The following HPS4 variants were observed in gnomAD, a reference collection of about 807,000 sequenced individuals.
HPS4 encodes the protein BLOC-3 complex member HPS4.
HPS4 carries 44 observed loss-of-function variants against 70.3 expected under a neutral mutation model. That is an observed-to-expected ratio of 0.63 (90% CI 0.49 to 0.80). HPS4 has a LOEUF of 0.80. Ranked by LOEUF, HPS4 falls within the 30% of genes least tolerant of loss-of-function variation. The pLI is 0.00. For missense variants in HPS4, 873 were observed against 884.4 expected (o/e 0.99, Z 0.16); for synonymous variants, 377 against 355.9 (o/e 1.06, Z -0.67).
chr22:26,474,931 T>G (rs1283813083), intron 4 of HPS4, among the ~76,000 whole-genome samples: 2 of 151,986 alleles, frequency 1.3e-5, no homozygotes, highest in South Asian at 2.1e-4. Flanking sequence ...TCAATCTCAA[T>G]GCTGATGAGC....
intron 2 of HPS4, among the ~76,000 whole-genome samples, chr22:26,480,817 C>T (rs1023490483): frequency 1.3e-5 from 2 of 152,004 alleles, no homozygotes; most frequent in African/African-American, 4.8e-5. Flanking sequence ...ACTTGGGATG[C>T]TGAGGTAGGA....
chr22:26,472,399 A>C lies in HPS4; in HGVS notation c.404T>G (p.Leu135Arg). The C allele has an allele frequency of 1.2e-6, 2 of 1,609,846 alleles. No homozygotes were observed. Among genetic ancestry groups the C allele is most frequent in the Non-Finnish European group, 1.7e-6 (2 of 1,176,054 alleles). ...LAYENCSQEE[L>R]STEWDTFIEQ... ...GATGAAGGTGTCCCACTCCGTGCTC[A>C]GTTCTTCCTGAGAACAGTTCTAAAA... Residue 135 changes from leucine (L) to arginine (R), a missense_variant, in exon 6 of 14, where the codon CTG becomes CGG. Physicochemically the swap from Leu to Arg is moderately radical, Grantham distance 102. Coordinates refer to ENST00000398145, the MANE Select transcript of HPS4 (RefSeq NM_022081.6).
At chr22:26,465,385 T>C in intron 10 of HPS4, 70 bp downstream of exon 10, 1 of 1,133,694 alleles carries the variant, frequency 8.8e-7, no homozygotes, top group Admixed American at 1.7e-5. Context: ...CAGAGGTTTG[T>C]TTTTTAACCA....
At chr22:26,460,165 T>G (rs575646792) in intron 11 of HPS4, among the ~76,000 whole-genome samples, 11 of 152,360 alleles carry the variant, frequency 7.2e-5, no homozygotes, top group African/African-American at 2.6e-4. Flanking sequence ...TAGTAGGTGC[T>G]CAATAAATGA....
In HPS4 at chr22:26,478,695, T is replaced by C. The variant is rs113806923; in HGVS notation, c.132+570A>G. Among the ~76,000 whole-genome samples the C allele has an allele frequency of 8.4e-3, 1,281 of 152,272 alleles. 8 individuals are homozygous for C. Among genetic ancestry groups the C allele is most frequent in the Middle Eastern group, 0.017 (5 of 294 alleles). On this transcript the variant is annotated intron_variant, in intron 3 of 13. Transcript: ENST00000398145. ...TTTGAATACAAACTTATTTATTTAT[T>C]TTTTTTGAGATGGAGTTTCACTCTT... is the stretch of plus-strand genomic sequence containing the variant.
chr22:26,450,899 C>T lies in HPS4; in HGVS notation c.*2334G>A, dbSNP rs2085134306. 6.6e-6 allele frequency among the ~76,000 whole-genome samples: 1 copy of T among 152,172 alleles called. No individual in the cohort carries two copies. Among genetic ancestry groups the T allele is most frequent in the Non-Finnish European group, 1.5e-5 (1 of 68,030 alleles). The stretch of plus-strand genomic sequence containing the variant: ...TAAACCTCTTTCCTTTATAAAGTAC[C>T]CAGTCTCGGGTATGTCTTTATTAGA... On this transcript the variant is annotated 3_prime_UTR_variant, in exon 14 of 14. Transcript: ENST00000398145.
intron 13 of HPS4, 66 bp from the exon 14 acceptor site, chr22:26,453,470 C>CT: frequency 6.4e-7 from 1 of 1,564,422 alleles, no homozygotes; most frequent in Non-Finnish European, 8.8e-7. Context: ...CACACAGAGA[C>CT]CTCAGTAAGG....
chr22:26,445,459 A>T (rs2084923351), intron 3 of HPS4, among the ~76,000 whole-genome samples: 1 of 152,208 alleles, frequency 6.6e-6, no homozygotes, highest in African/African-American at 2.4e-5. Flanking sequence ...AAATGTCCCA[A>T]AGCAATGGGA....
intron 9 of HPS4, chr22:26,465,905 T>C (rs997088862): frequency 4.5e-6 from 3 of 662,870 alleles, no homozygotes; most frequent in Admixed American, 2.5e-5. Flanking sequence ...CTCCACATCC[T>C]GCAAAAGGTC....
Position 26,470,722 on chromosome 22 carries a change from C to G in HPS4, c.593G>C (p.Gly198Ala), listed in dbSNP as rs199965734. The G allele has an allele frequency of 6.2e-7, 1 of 1,613,764 alleles. No individual in the cohort carries two copies. Among genetic ancestry groups the G allele is most frequent in the South Asian group, 1.1e-5 (1 of 91,042 alleles). Reference protein sequence around the residue: ...HILAGCILYKGLIVSTQLPPS... With the variant: ...HILAGCILYKALIVSTQLPPS... The stretch of plus-strand genomic sequence containing the variant: ...AAAGGGGTCTGGAGTTACTCACAGT[C>G]CTTTATAGAGGATGCAGCCAGCGAG... Residue 198 changes from glycine to alanine, a missense_variant, in exon 7 of 14, where the codon GGA (glycine) becomes GCA (alanine). By Grantham distance (60) the Gly-to-Ala change is moderately conservative (BLOSUM62 0). Coordinates refer to ENST00000398145, the MANE Select transcript of HPS4 (RefSeq NM_022081.6).
At chr22:26,468,675 C>T in intron 7 of HPS4, 52 bp from the exon 8 acceptor site, 1 of 1,545,282 alleles carries the variant, frequency 6.5e-7, no homozygotes, top group East Asian at 2.2e-5. Flanking sequence ...TACACCAAAA[C>T]ACTCCAAATT....
intron 10 of HPS4, 25 bp from the exon 11 acceptor site, chr22:26,464,851 A>G: frequency 1.3e-6 from 2 of 1,576,950 alleles, no homozygotes; most frequent in Non-Finnish European, 1.7e-6. Flanking sequence ...AGATGTAAGG[A>G]AGGGGCACGT....
In HPS4 at chr22:26,479,277, A is replaced by G; in HGVS notation, c.120T>C (p.Phe40=). The G allele has an allele frequency of 6.2e-7, 1 of 1,614,190 alleles. No homozygotes were observed. Among genetic ancestry groups the G allele is most frequent in the Non-Finnish European group, 8.5e-7 (1 of 1,180,030 alleles). ...CTGTGTGGCTTACCTGGGAAGGATAAAAGTAACAAATGCCAGCTCTTGTTG... is the reference window on the plus strand; with the variant it reads ...CTGTGTGGCTTACCTGGGAAGGATAGAAGTAACAAATGCCAGCTCTTGTTG... The part of the protein sequence containing the change: ...GDPTRAGICY[F]YPSQTLLDQQ... The change falls in exon 3 of 14, where the codon TTT becomes TTC. Residue 40 remains phenylalanine, a synonymous_variant. Transcript: ENST00000398145.
rs372020804 is a variant in HPS4, at chr22:26,477,121, G to A, written c.148C>T (p.Gln50Ter). The part of the protein sequence containing the change: ...FYPSQTLLDQ[Q>*]ELLCGQIAGV... ...GCAATCTGTCCACAAAGCAACTCCTGTTGGTCTAGCAGGGTCTGTGGGAAA... is the reference window on the plus strand; with the variant it reads ...GCAATCTGTCCACAAAGCAACTCCTATTGGTCTAGCAGGGTCTGTGGGAAA... The change falls in exon 4 of 14, where the codon CAG (glutamine) becomes TAG (stop). Residue 50 changes from glutamine (Q) to a stop codon, truncating the protein, a stop_gained. Transcript: ENST00000398145. LOFTEE classifies it high-confidence loss of function. The A allele has an allele frequency of 1.2e-6, 2 of 1,614,182 alleles. No homozygotes were observed. The highest frequency in any genetic ancestry group is 1.7e-6 in the Non-Finnish European group (2 of 1,180,022).
At chr22:26,483,580 G>A in intron 1 of HPS4, 94 bp downstream of exon 1, 1 of 214,588 alleles carries the variant, frequency 4.7e-6, no homozygotes. Context: ...GGGAAATGGT[G>A]GGCGAACGCC....
rs1438743872 is a variant in HPS4, at chr22:26,451,968, GA to G, written c.*1264del. The G allele has an allele frequency of 5.3e-6, 1 of 188,446 alleles. No individual in the cohort carries two copies. The highest frequency in any genetic ancestry group is 2.4e-5 in the African/African-American group (1 of 41,244). The allele number at this position is 188,446 out of a possible 1,614,324, so 11.7% of individuals were successfully genotyped here. A position where few individuals can be genotyped will look rare whatever the true frequency, so the allele number is the denominator to read the frequency against. On this transcript the variant is annotated 3_prime_UTR_variant, in exon 14 of 14. Transcript: ENST00000398145. ...CCACACTGAACCCAGGGAAGGAAAA[GA>G]GGGATGCGCCCACGTTACGCGCGCG...
intron 8 of HPS4, chr22:26,468,256 C>T: frequency 2.3e-6 from 1 of 441,728 alleles, no homozygotes; most frequent in Non-Finnish European, 4.2e-6. Context: ...AAAAGTCTAA[C>T]ATCTCTTTGA....
At chr22:26,457,165 T>C (rs1000620436) in intron 13 of HPS4, among the ~76,000 whole-genome samples, 1 of 150,386 alleles carries the variant, frequency 6.6e-6, no homozygotes, top group Admixed American at 6.6e-5. Context: ...TTTTACTTGA[T>C]ACATTTCCAA....
intron 4 of HPS4, among the ~76,000 whole-genome samples, chr22:26,474,475 A>G (rs1001084755): frequency 1.3e-5 from 2 of 152,330 alleles, no homozygotes; most frequent in Middle Eastern, 3.4e-3. Context: ...TAAAACTATC[A>G]AATTCTTACA....
Sources: allele counts gnomAD v4.1 joint callset (sites outside exome capture counted in the v4.1 genomes callset), GRCh38; gene constraint gnomAD v4.1.1; transcripts MANE v1.5; gene names NCBI Gene and HGNC (gene_info 2026-07-23, HGNC 2026-07-21).